The following COL5A2 variants were observed in gnomAD, a reference collection of about 807,000 sequenced individuals.
COL5A2 encodes collagen type V alpha 2 chain.
In COL5A2, 23 loss-of-function variants were observed where a neutral mutation model predicts 208.2. The ratio of observed to expected loss-of-function variants is 0.11; its 90% confidence interval spans 0.08 to 0.16. The LOEUF (loss-of-function observed/expected upper bound fraction) is 0.16. Ranked by LOEUF, COL5A2 falls within the 10% of genes least tolerant of loss-of-function variation. The pLI is 1.00. For missense variants in COL5A2, 1,590 were observed against 1,956.4 expected (o/e 0.81, Z 3.53); for synonymous variants, 625 against 628.5 (o/e 0.99, Z 0.08).
the COL5A2 span, among the ~76,000 whole-genome samples, chr2:189,337,332 G>C: frequency 6.6e-6 from 1 of 151,182 alleles, no homozygotes; most frequent in African/African-American, 2.4e-5. Context: ...ACAGGCGCCC[G>C]CCACTACGCC....
intron 17 of COL5A2, among the ~76,000 whole-genome samples, chr2:189,073,076 G>A (rs917706179): frequency 6.6e-6 from 1 of 151,988 alleles, no homozygotes. Context: ...GATCCTTGGG[G>A]CAAATGATTT....
the COL5A2 span, among the ~76,000 whole-genome samples, chr2:189,402,558 G>A: frequency 2.6e-5 from 4 of 152,238 alleles, no homozygotes; most frequent in Non-Finnish European, 4.4e-5. Context: ...AATCCATCTT[G>A]CATTAACTTT....
intron 1 of COL5A2, among the ~76,000 whole-genome samples, chr2:189,140,671 C>T (rs543870848): frequency 4.6e-5 from 7 of 152,130 alleles, no homozygotes; most frequent in Admixed American, 1.3e-4. Context: ...TTATCTGTAT[C>T]CCCTCCCCTT....
chr2:189,258,058 G>A, the COL5A2 span, among the ~76,000 whole-genome samples: 2 of 152,158 alleles, frequency 1.3e-5, no homozygotes, highest in Non-Finnish European at 2.9e-5. Context: ...AGCTTGCAGT[G>A]AGCCGATATC....
At chr2:189,192,291 AC>A in intron 1 of COL5A2, among the ~76,000 whole-genome samples, 1 of 152,300 alleles carries the variant, frequency 6.6e-6, no homozygotes, top group South Asian at 2.1e-4. Context: ...AAAAAAGGAA[AC>A]AAAAACTTAC....
chr2:189,187,803 A>G (rs573529034), intron 1 of COL5A2, among the ~76,000 whole-genome samples: 14 of 152,100 alleles, frequency 9.2e-5, no homozygotes, highest in Non-Finnish European at 2.1e-4. Context: ...CTCCGTCTCT[A>G]CTAAAAAAAC....
the COL5A2 span, among the ~76,000 whole-genome samples, chr2:189,323,696 T>C: frequency 2.7e-3 from 414 of 152,206 alleles, no homozygotes; most frequent in African/African-American, 9.4e-3. Context: ...GGAAGAACAT[T>C]CCATGCTCAT....
At chr2:189,156,912 T>C (rs1184522662) in intron 1 of COL5A2, among the ~76,000 whole-genome samples, 1 of 152,026 alleles carries the variant, frequency 6.6e-6, no homozygotes, top group Non-Finnish European at 1.5e-5. Flanking sequence ...GAAGATTAGT[T>C]GCCACAGTAG....
the COL5A2 span, among the ~76,000 whole-genome samples, chr2:189,369,328 T>A: frequency 6.6e-6 from 1 of 152,280 alleles, no homozygotes; most frequent in Non-Finnish European, 1.5e-5. Context: ...CTGACATTAA[T>A]ACAGCTATGC....
At chr2:189,409,005 C>T in the COL5A2 span, among the ~76,000 whole-genome samples, 5 of 152,020 alleles carry the variant, frequency 3.3e-5, no homozygotes, top group African/African-American at 1.2e-4. Flanking sequence ...CATTCATTCC[C>T]TTATTTGAAG....
chr2:189,345,827 AAGGAG>A, the COL5A2 span, among the ~76,000 whole-genome samples: 1 of 152,166 alleles, frequency 6.6e-6, no homozygotes, highest in South Asian at 2.1e-4. Context: ...CCATGAATAG[AAGGAG>A]AGAATAGTGA....
intron 22 of COL5A2, 63 bp from the exon 23 acceptor site, chr2:189,066,560 G>A (rs1293366228): frequency 6.5e-7 from 1 of 1,544,732 alleles, no homozygotes; most frequent in African/African-American, 1.4e-5. Context: ...ATAGTTGGAA[G>A]CCTAATTTAA....
chr2:189,405,206 T>G, the COL5A2 span, among the ~76,000 whole-genome samples: 21 of 149,970 alleles, frequency 1.4e-4, no homozygotes, highest in Admixed American at 1.4e-3. Flanking sequence ...ATAGTGACAT[T>G]AGATATTTAT....
At chr2:189,299,809 T>C in the COL5A2 span, among the ~76,000 whole-genome samples, 1 of 152,016 alleles carries the variant, frequency 6.6e-6, no homozygotes, top group South Asian at 2.1e-4. Context: ...AAAAACTTAA[T>C]AAAAAATGAC....
the COL5A2 span, among the ~76,000 whole-genome samples, chr2:189,405,990 G>A: frequency 6.6e-6 from 1 of 152,148 alleles, no homozygotes. Context: ...TCTTTCTAGA[G>A]TCTTTGCAAC....
the COL5A2 span, among the ~76,000 whole-genome samples, chr2:189,346,086 T>C: frequency 1.3e-5 from 2 of 152,238 alleles, no homozygotes; most frequent in East Asian, 3.8e-4. Context: ...GGATTAGTTA[T>C]TTCATTTATG....
the COL5A2 span, among the ~76,000 whole-genome samples, chr2:189,236,922 T>C: frequency 6.6e-6 from 1 of 151,872 alleles, no homozygotes; most frequent in African/African-American, 2.4e-5. Flanking sequence ...GTGTATCTTG[T>C]TTAAACAGTA....
intron 1 of COL5A2, among the ~76,000 whole-genome samples, chr2:189,155,340 C>T (rs1232004552): frequency 7.5e-6 from 1 of 132,534 alleles, no homozygotes; most frequent in Non-Finnish European, 1.6e-5. Flanking sequence ...TATTTTATAG[C>T]ACATACTGCT....
chr2:189,224,258 A>G (rs1407406801), intron 1 of COL5A2, among the ~76,000 whole-genome samples: 1 of 152,212 alleles, frequency 6.6e-6, no homozygotes, highest in Non-Finnish European at 1.5e-5. Context: ...GTCCCTGACT[A>G]ATCATGTAAA....
Sources: allele counts gnomAD v4.1 joint callset (sites outside exome capture counted in the v4.1 genomes callset), GRCh38; gene constraint gnomAD v4.1.1; transcripts MANE v1.5; gene names NCBI Gene and HGNC (gene_info 2026-07-23, HGNC 2026-07-21).